CDH4: variants seen among roughly 807,000 people sequenced by gnomAD.
The protein encoded by CDH4 is cadherin 4.
In CDH4, 33 loss-of-function variants were observed where a neutral mutation model predicts 86.0. The observed-to-expected ratio is 0.38, with a 90% CI of 0.29 to 0.51. CDH4 has a LOEUF of 0.51. Ranked by LOEUF, CDH4 falls within the 20% of genes least tolerant of loss-of-function variation. The pLI, the probability that CDH4 is intolerant of heterozygous loss-of-function variation, is 0.86. For missense variants in CDH4, 1,114 were observed against 1,307.4 expected, an observed-to-expected ratio of 0.85 and a Z score of 2.28; for synonymous variants, 555 against 549.4, an observed-to-expected ratio of 1.01 and a Z score of -0.14.
At chr20:61,757,283 C>T (rs972580566) in intron 3 of CDH4, among the ~76,000 whole-genome samples, 7 of 152,104 alleles carry the variant, frequency 4.6e-5, no homozygotes, top group African/African-American at 1.4e-4. Flanking sequence ...GGTGGTGGGC[C>T]GTCAGTATTA....
At position 61,664,375 on chromosome 20, in the gene CDH4, G is replaced by A. The variant is rs566089391; in HGVS notation, c.170-79188G>A. ...GGAAGGATAGGGGACTCCTGGGCCT[G>A]GGAGTGGGGTGGGGGCAGAAACCAC... On this transcript the variant is annotated intron_variant, in intron 2 of 15. Coordinates refer to ENST00000614565, the MANE Select transcript of CDH4 (RefSeq NM_001794.5). Among the ~76,000 whole-genome samples, 6 of 152,348 alleles carry A rather than the reference G, an allele frequency of 3.9e-5. No homozygotes were observed. The South Asian group carries it at 1.2e-3, about 32-fold the overall frequency.
Position 61,538,777 on chromosome 20 carries a change from C to T in CDH4, c.170-204786C>T, listed in dbSNP as rs952123925. On this transcript the variant is annotated intron_variant, in intron 2 of 15. Transcript: ENST00000614565. ...TCGTGATTTGGGGGCCACCCCCATC[C>T]AGATATGCCACTTCTCGTCTAATCA... 5.3e-5 allele frequency among the ~76,000 whole-genome samples: 8 copies of T among 152,356 alleles called. No individual in the cohort carries two copies. In the South Asian group the frequency reaches 6.2e-4, roughly 12 times the overall value.
chr20:61,852,424 A>C (rs1466892449), intron 5 of CDH4, among the ~76,000 whole-genome samples: 2 of 152,230 alleles, frequency 1.3e-5, no homozygotes, highest in Non-Finnish European at 2.9e-5. Flanking sequence ...CCTGCTCCAG[A>C]CATCTGATCA....
intron 4 of CDH4, among the ~76,000 whole-genome samples, chr20:61,782,791 A>G (rs1978618619): frequency 6.6e-6 from 1 of 152,188 alleles, no homozygotes; most frequent in Non-Finnish European, 1.5e-5. Context: ...AATCAAAATG[A>G]ATTTCTTTAA....
chr20:61,486,202 G>A (rs1384110012), intron 2 of CDH4, among the ~76,000 whole-genome samples: 2 of 152,228 alleles, frequency 1.3e-5, no homozygotes, highest in East Asian at 1.9e-4. Context: ...ACACCGCCAT[G>A]CTGTAAGCAA....
chr20:61,428,206 C>T (rs1002937141), intron 2 of CDH4, among the ~76,000 whole-genome samples: 1 of 152,186 alleles, frequency 6.6e-6, no homozygotes, highest in African/African-American at 2.4e-5. Flanking sequence ...AAATCAGACA[C>T]TACCAAGTGT....
At chr20:61,792,063 A>G (rs1443752530) in intron 4 of CDH4, among the ~76,000 whole-genome samples, 1 of 152,122 alleles carries the variant, frequency 6.6e-6, no homozygotes, top group Non-Finnish European at 1.5e-5. Flanking sequence ...GGTTAAGGCG[A>G]GAGCTGCCCC....
At chr20:61,334,911 AG>A (rs1011895849) in intron 2 of CDH4, among the ~76,000 whole-genome samples, 5 of 152,244 alleles carry the variant, frequency 3.3e-5, no homozygotes, top group African/African-American at 9.6e-5. Flanking sequence ...AGTTTTCTGC[AG>A]GAAACCTTGA....
At chr20:61,776,784 C>T (rs1279604845) in intron 4 of CDH4, among the ~76,000 whole-genome samples, 1 of 152,148 alleles carries the variant, frequency 6.6e-6, no homozygotes, top group Non-Finnish European at 1.5e-5. Flanking sequence ...TCGGGACTGG[C>T]GAGGCTTACA....
At chr20:61,853,176 C>T (rs537256682) in intron 6 of CDH4, among the ~76,000 whole-genome samples, 12 of 152,162 alleles carry the variant, frequency 7.9e-5, no homozygotes, top group South Asian at 4.2e-4. Flanking sequence ...CTGGGGACAG[C>T]GGTGGGCCTG....
At chr20:61,910,146 G>A (rs570631094) in intron 8 of CDH4, among the ~76,000 whole-genome samples, 2 of 151,834 alleles carry the variant, frequency 1.3e-5, no homozygotes, top group Non-Finnish European at 2.9e-5. Flanking sequence ...GGGCTGACAC[G>A]GTGTGCTCTG....
At chr20:61,700,233 A>G (rs6089264) in intron 2 of CDH4, among the ~76,000 whole-genome samples, 30,802 of 152,092 alleles carry the variant, frequency 0.2, 3,787 homozygotes, top group East Asian at 0.35. Flanking sequence ...AGTTCTGCCC[A>G]CAGACATACA....
At chr20:61,256,985 CTG>C (rs1207046867) in intron 2 of CDH4, among the ~76,000 whole-genome samples, 1 of 152,238 alleles carries the variant, frequency 6.6e-6, no homozygotes, top group Admixed American at 6.5e-5. Context: ...ACATTTCTCT[CTG>C]TACGCAGAGT....
chr20:61,603,276 A>G (rs1319221371), intron 2 of CDH4, among the ~76,000 whole-genome samples: 1 of 152,028 alleles, frequency 6.6e-6, no homozygotes, highest in Non-Finnish European at 1.5e-5. Flanking sequence ...TGTTTGCAGG[A>G]ATGGTGAGTG....
chr20:61,542,145 C>A (rs548162195), intron 2 of CDH4, among the ~76,000 whole-genome samples: 34 of 152,300 alleles, frequency 2.2e-4, no homozygotes, highest in Admixed American at 6.5e-4. Flanking sequence ...TAAAAATCAA[C>A]TCATACTGGG....
At chr20:61,798,590 C>T (rs1979670265) in intron 4 of CDH4, among the ~76,000 whole-genome samples, 1 of 152,204 alleles carries the variant, frequency 6.6e-6, no homozygotes, top group Non-Finnish European at 1.5e-5. Context: ...TGGCCAAGAC[C>T]ACATGGACAA....
chr20:61,777,736 A>G (rs1385330984), intron 4 of CDH4, among the ~76,000 whole-genome samples: 2 of 149,492 alleles, frequency 1.3e-5, no homozygotes, highest in African/African-American at 2.5e-5. Context: ...ACGTGCATAC[A>G]AAAACACACA....
intron 2 of CDH4, among the ~76,000 whole-genome samples, chr20:61,398,151 A>T (rs913031553): frequency 6.6e-6 from 1 of 152,224 alleles, no homozygotes; most frequent in Non-Finnish European, 1.5e-5. Flanking sequence ...CAAGCGTATC[A>T]GTCTTGGTTA....
In CDH4 at chr20:61,516,181, G is replaced by A. The variant is rs1181659069; in HGVS notation, c.170-227382G>A. 1.3e-5 allele frequency among the ~76,000 whole-genome samples: 2 copies of A among 152,148 alleles called. No homozygotes were observed. The highest frequency in any genetic ancestry group is 6.5e-5 in the Admixed American group (1 of 15,278). On this transcript the variant is annotated intron_variant, in intron 2 of 15. Coordinates refer to ENST00000614565, the MANE Select transcript of CDH4 (RefSeq NM_001794.5). This position sits in a 1 kb window ranked among gnomAD's most constrained non-coding sequence, Gnocchi z 4.0. ...GGGCCGTGGGCCGGAGGGGACGCTG[G>A]CCACCTCTCTTACCCTAGAAGCTGC...
Sources: gnomAD v4.1 joint callset for allele counts (sites outside exome capture counted in the v4.1 genomes callset) on GRCh38, gnomAD v4.1.1 for gene constraint, Gnocchi (gnomAD v3.1) non-coding constraint, MANE v1.5 for transcripts, NCBI Gene and HGNC (gene_info 2026-07-23, HGNC 2026-07-21) for gene names.